The following TRADD variants were observed in gnomAD, a reference collection of about 807,000 sequenced individuals.
TRADD encodes the protein tumor necrosis factor receptor type 1-associated DEATH domain protein.
TRADD carries 14 observed loss-of-function variants against 31.5 expected under a neutral mutation model. The observed-to-expected ratio is 0.44, with a 90% confidence interval of 0.29 to 0.69. The LOEUF is 0.69. Among genes scored for constraint, TRADD ranks in the 30% least tolerant of loss-of-function variants. TRADD has a pLI of 0.11. For missense variants in TRADD, 388 were observed against 435.7 expected (o/e 0.89, Z 0.97); for synonymous variants, 220 against 215.8 (o/e 1.02, Z -0.17).
At chr16:67,158,849 C>T (rs1216556561) in intron 1 of TRADD, among the ~76,000 whole-genome samples, 5 of 152,046 alleles carry the variant, frequency 3.3e-5, no homozygotes, top group Non-Finnish European at 7.4e-5. Flanking sequence ...GAAACATTCC[C>T]TCTTTCATGT....
intron 1 of TRADD, among the ~76,000 whole-genome samples, chr16:67,158,784 G>T (rs899157790): frequency 2.0e-5 from 3 of 152,172 alleles, no homozygotes; most frequent in South Asian, 4.1e-4. Flanking sequence ...GTGAGATAAG[G>T]GGGGAGTCCT....
At position 67,156,585 on chromosome 16, in the gene TRADD, C is replaced by G. The variant is rs778857889; in HGVS notation, c.76G>C (p.Val26Leu). The change falls in exon 2 of 5, where the codon GTG becomes CTG. Residue 26 changes from valine (V) to leucine (L), a missense_variant. Val to Leu is a conservative substitution (Grantham distance 32). Transcript: ENST00000345057. This position sits in a 1 kb window ranked among gnomAD's most constrained non-coding sequence, Gnocchi z 4.6. ...YLFVESSLDK[V>L]VLSDAYAHPQ... ...TGCGCGTAGGCATCCGACAGGACCACCTTGTCCAGCGAGGACTCCACAAAC... is the reference window on the plus strand; with the variant it reads ...TGCGCGTAGGCATCCGACAGGACCAGCTTGTCCAGCGAGGACTCCACAAAC... 1.2e-6 allele frequency: 2 copies of G among 1,614,128 alleles called. No homozygotes were observed. Among genetic ancestry groups the G allele is most frequent in the Non-Finnish European group, 1.7e-6 (2 of 1,180,044 alleles).
intron 1 of TRADD, among the ~76,000 whole-genome samples, chr16:67,157,223 CT>C (rs2030731043): frequency 6.6e-6 from 1 of 152,166 alleles, no homozygotes. Flanking sequence ...CCTGACTTAC[CT>C]TTGGGGACTT....
rs1353884736 is a variant in TRADD, at chr16:67,156,588, T to G, written c.73A>C (p.Lys25Gln). The G allele has an allele frequency of 3.1e-6, 5 of 1,614,004 alleles. No individual in the cohort carries two copies. Among genetic ancestry groups the G allele is most frequent in the Non-Finnish European group, 4.2e-6 (5 of 1,180,044 alleles). ...GCGTAGGCATCCGACAGGACCACCT[T>G]GTCCAGCGAGGACTCCACAAACAGG... Reference protein sequence around the residue: ...AYLFVESSLDKVVLSDAYAHP... With the variant: ...AYLFVESSLDQVVLSDAYAHP... The change falls in exon 2 of 5, where the codon AAG becomes CAG. Residue 25 changes from lysine (K) to glutamine (Q), a missense_variant. By Grantham distance (53) the Lys-to-Gln change is moderately conservative. Transcript: ENST00000345057. The surrounding 1 kb of genome is among the most constrained non-coding windows in gnomAD (Gnocchi z 4.6).
rs534754227 is a variant in TRADD at position 67,159,445 on chromosome 16, C to A, written c.-9+393G>T. On this transcript the variant is annotated intron_variant, in intron 1 of 4. Transcript: ENST00000345057. The surrounding 1 kb of genome is among the most constrained non-coding windows in gnomAD (Gnocchi z 6.8). ...TGCGACCCGCCGGGCACACCCCCTA[C>A]TCAGCTACGCAGCTCCCGAGCGCTT... Among the ~76,000 whole-genome samples, 1 of 152,228 alleles carries A rather than the reference C, an allele frequency of 6.6e-6. No individual in the cohort carries two copies. Among genetic ancestry groups the A allele is most frequent in the East Asian group, 1.9e-4 (1 of 5,178 alleles).
Position 67,154,737 on chromosome 16 carries a change from C to G in TRADD, c.851G>C (p.Arg284Pro). 1 of 1,611,458 alleles carries G rather than the reference C, an allele frequency of 6.2e-7. No homozygotes were observed. The highest frequency in any genetic ancestry group is 2.2e-5 in the East Asian group (1 of 44,828). ...QAEGRRATLQ[R>P]LVEALEENEL... ...GTTCTCCTCGAGTGCCTCCACCAGG[C>G]GCTGCAGCGTGGCGCGGCGGCCCTC... Residue 284 changes from arginine (R) to proline (P), a missense_variant, in exon 5 of 5, where the codon CGC (arginine) becomes CCC (proline). Coordinates refer to ENST00000345057, the MANE Select transcript of TRADD (RefSeq NM_003789.4). This position sits in a 1 kb window ranked among gnomAD's most constrained non-coding sequence, Gnocchi z 5.2.
In TRADD at chr16:67,154,234, C is replaced by T. The variant is rs980858142; in HGVS notation, c.*415G>A. 2.5e-5 allele frequency: 7 copies of T among 275,820 alleles called. No individual in the cohort carries two copies. In the East Asian group the frequency reaches 5.2e-4, roughly 20 times the overall value. 17.1% of individuals were successfully genotyped at this position (275,820 alleles called of 1,614,324 possible). A position where few individuals can be genotyped will look rare whatever the true frequency, so the allele number is the denominator to read the frequency against. ...TACTTTATTATCATTGCTTAACATTCGGGGTCCCACGCTGAGTGTGAGCTG... is the reference window on the plus strand; with the variant it reads ...TACTTTATTATCATTGCTTAACATTTGGGGTCCCACGCTGAGTGTGAGCTG... On this transcript the variant is annotated 3_prime_UTR_variant, in exon 5 of 5. Transcript: ENST00000345057. This position sits in a 1 kb window ranked among gnomAD's most constrained non-coding sequence, Gnocchi z 5.2.
At position 67,154,360 on chromosome 16, in the gene TRADD, C is replaced by A; in HGVS notation, c.*289G>T. The A allele has an allele frequency of 1.8e-6, 1 of 548,056 alleles. No individual in the cohort carries two copies. The highest frequency in any genetic ancestry group is 3.3e-6 in the Non-Finnish European group (1 of 304,042). 33.9% of individuals were successfully genotyped at this position (548,056 alleles called of 1,614,324 possible). ...AGATCAAGGTGCTTCATGAGTGAAA[C>A]TGTAAGGGCTGGCTGTAAGCCCCGC... On this transcript the variant is annotated 3_prime_UTR_variant, in exon 5 of 5. Transcript: ENST00000345057. This position sits in a 1 kb window ranked among gnomAD's most constrained non-coding sequence, Gnocchi z 5.2.
Position 67,154,851 on chromosome 16 carries a change from T to G in TRADD, c.737A>C (p.Asp246Ala). 1.3e-6 allele frequency: 2 copies of G among 1,594,102 alleles called. No individual in the cohort carries two copies. Among genetic ancestry groups the G allele is most frequent in the Non-Finnish European group, 1.7e-6 (2 of 1,171,478 alleles). ...SLQRGCRALR[D>A]PALDSLAYEY... ...GTAGGCCAGCGAGTCCAGCGCCGGGTCCCGCAGCGCCCGGCAGCCTCGCTG... is the reference window on the plus strand; with the variant it reads ...GTAGGCCAGCGAGTCCAGCGCCGGGGCCCGCAGCGCCCGGCAGCCTCGCTG... Residue 246 changes from aspartate (D) to alanine (A), a missense_variant, in exon 5 of 5, where the codon GAC becomes GCC. Coordinates refer to ENST00000345057, the MANE Select transcript of TRADD (RefSeq NM_003789.4). The surrounding 1 kb of genome is among the most constrained non-coding windows in gnomAD (Gnocchi z 5.2).
rs2030577526 is a variant in TRADD, at chr16:67,154,485, C to T, written c.*164G>A. 7.4e-6 allele frequency: 6 copies of T among 815,204 alleles called. No individual in the cohort carries two copies. Among genetic ancestry groups the T allele is most frequent in the South Asian group, 4.9e-5 (3 of 60,986 alleles). The allele number at this position is 815,204 out of a possible 1,614,324, so 50.5% of individuals were successfully genotyped here. A position where few individuals can be genotyped will look rare whatever the true frequency, so the allele number is the denominator to read the frequency against. ...GGCAGAATCCCCAATGATGCACCCC[C>T]AGTGGTCTGGCTCCTGGGGAAGGCA... On this transcript the variant is annotated 3_prime_UTR_variant, in exon 5 of 5. Transcript: ENST00000345057. The surrounding 1 kb of genome is among the most constrained non-coding windows in gnomAD (Gnocchi z 5.2).
At chr16:67,155,763 C>G in intron 2 of TRADD, 109 bp from the exon 3 acceptor site, 1 of 1,468,140 alleles carries the variant, frequency 6.8e-7, no homozygotes, top group South Asian at 1.3e-5. Flanking sequence ...CATCCCCTGA[C>G]CTAGGGTGCA....
Position 67,156,392 on chromosome 16 carries a change from G to A in TRADD, c.151+118C>T, listed in dbSNP as rs978871449. On this transcript the variant is annotated intron_variant, in intron 2 of 4. Transcript: ENST00000345057. The surrounding 1 kb of genome is among the most constrained non-coding windows in gnomAD (Gnocchi z 4.6). ...AAGAAGAGAGTCTGCACAGCCAGGG[G>A]TCCTCCGTCTTGCTCCTCCCACCCC... 4.1e-6 allele frequency: 6 copies of A among 1,476,448 alleles called. No individual in the cohort carries two copies. In the African/African-American group the frequency reaches 5.6e-5, roughly 14 times the overall value. 91.5% of individuals were successfully genotyped at this position (1,476,448 alleles called of 1,614,324 possible). A position where few individuals can be genotyped will look rare whatever the true frequency, so the allele number is the denominator to read the frequency against.
chr16:67,157,548 G>C (rs1275943086), intron 1 of TRADD, among the ~76,000 whole-genome samples: 2 of 152,202 alleles, frequency 1.3e-5, no homozygotes, highest in African/African-American at 4.8e-5. Context: ...AAGAGATGGA[G>C]AAGTGCATTC....
In TRADD at chr16:67,155,658, C is replaced by T. The variant is rs2145908028; in HGVS notation, c.152-4G>A. ...ACGTCCGGGCTCCCGCCGCTCTCTGCGGAGGCGGGCGGTCAGGCGCCGGGC... is the reference window on the plus strand; with the variant it reads ...ACGTCCGGGCTCCCGCCGCTCTCTGTGGAGGCGGGCGGTCAGGCGCCGGGC... On this transcript the variant is annotated splice_polypyrimidine_tract_variant and splice_region_variant and intron_variant, in intron 2 of 4. Coordinates refer to ENST00000345057, the MANE Select transcript of TRADD (RefSeq NM_003789.4). The T allele has an allele frequency of 2.6e-6, 4 of 1,566,748 alleles. No homozygotes were observed. In the East Asian group the frequency reaches 6.9e-5, roughly 27 times the overall value.
chr16:67,157,674 A>G (rs958742087), intron 1 of TRADD, among the ~76,000 whole-genome samples: 1 of 152,202 alleles, frequency 6.6e-6, no homozygotes, highest in African/African-American at 2.4e-5. Flanking sequence ...GTTCGGCTCC[A>G]GTCATTTCCA....
In TRADD at chr16:67,154,619, G is replaced by T. The variant is rs368296427; in HGVS notation, c.*30C>A. The stretch of plus-strand genomic sequence containing the variant: ...GCAGAAGGAACCCTAAGGCCATCCA[G>T]GTTCTCCAAAAGCTGGCTGCACCCC... On this transcript the variant is annotated 3_prime_UTR_variant, in exon 5 of 5. Transcript: ENST00000345057. The surrounding 1 kb of genome is among the most constrained non-coding windows in gnomAD (Gnocchi z 5.2). The T allele has an allele frequency of 2.7e-5, 43 of 1,606,410 alleles. No homozygotes were observed. Among genetic ancestry groups the T allele is most frequent in the Non-Finnish European group, 3.5e-5 (41 of 1,177,740 alleles).
chr16:67,154,879 G>A lies in TRADD; in HGVS notation c.709C>T (p.Leu237=). 1 of 1,601,366 alleles carries A rather than the reference G, an allele frequency of 6.2e-7. No individual in the cohort carries two copies. Among genetic ancestry groups the A allele is most frequent in the South Asian group, 1.1e-5 (1 of 89,326 alleles). ...GLKWRKVGRS[L]QRGCRALRDP... ...CGCAGCGCCCGGCAGCCTCGCTGCA[G>A]TGAGCGCCCCACCTTGCGCCATTTG... Residue 237 remains leucine, a synonymous_variant, in exon 5 of 5, where the codon CTG becomes TTG. Coordinates refer to ENST00000345057, the MANE Select transcript of TRADD (RefSeq NM_003789.4). The surrounding 1 kb of genome is among the most constrained non-coding windows in gnomAD (Gnocchi z 5.2).
chr16:67,156,464 G>T lies in TRADD; in HGVS notation c.151+46C>A, dbSNP rs1194854451. The T allele has an allele frequency of 1.2e-6, 2 of 1,603,778 alleles. No individual in the cohort carries two copies. Among genetic ancestry groups the T allele is most frequent in the Non-Finnish European group, 8.5e-7 (1 of 1,179,886 alleles). On this transcript the variant is annotated intron_variant, in intron 2 of 4. Coordinates refer to ENST00000345057, the MANE Select transcript of TRADD (RefSeq NM_003789.4). The surrounding 1 kb of genome is among the most constrained non-coding windows in gnomAD (Gnocchi z 4.6). ...CTAAACCCAGGCCCACCCACAAAAT[G>T]CTCCAGGCCACCCCTTCCTCTCCAC...
Position 67,156,756 on chromosome 16 carries a change from C to G in TRADD, c.-8-88G>C. 1 of 1,552,522 alleles carries G rather than the reference C, an allele frequency of 6.4e-7. No individual in the cohort carries two copies. ...CCCAGCCCCACGTGGTTCAGCTGTC[C>G]CCACCACAGTAGCCTCAAGTCCCAC... On this transcript the variant is annotated intron_variant, in intron 1 of 4. Transcript: ENST00000345057. The surrounding 1 kb of genome is among the most constrained non-coding windows in gnomAD (Gnocchi z 4.6).
Sources: gnomAD v4.1 joint callset for allele counts (sites outside exome capture counted in the v4.1 genomes callset) on GRCh38, gnomAD v4.1.1 for gene constraint, Gnocchi (gnomAD v3.1) non-coding constraint, MANE v1.5 for transcripts, NCBI Gene and HGNC (gene_info 2026-07-23, HGNC 2026-07-21) for gene names.